The following KCNC2 variants were observed in gnomAD, a reference collection of about 807,000 sequenced individuals.
KCNC2 encodes the protein voltage-gated potassium channel KCNC2.
Under a neutral mutation model 44.5 loss-of-function variants are expected in KCNC2, and 21 were observed. The ratio of observed to expected loss-of-function variants is 0.47; its 90% CI spans 0.33 to 0.68. KCNC2 has a LOEUF of 0.68. Among genes scored for constraint, KCNC2 ranks in the 30% least tolerant of loss-of-function variants. The pLI is 0.01. For synonymous variants in KCNC2, 391 were observed against 339.1 expected (o/e 1.15, Z -1.68); for missense variants, 589 against 826.2 (o/e 0.71, Z 3.52).
chr12:75,186,473 T>C (rs1892959385), intron 2 of KCNC2, among the ~76,000 whole-genome samples: 2 of 151,704 alleles, frequency 1.3e-5, no homozygotes, highest in Non-Finnish European at 2.9e-5. Context: ...TATTCTATCA[T>C]GTGGATTGTT....
intron 2 of KCNC2, among the ~76,000 whole-genome samples, chr12:75,107,767 TAA>T (rs1433159329): frequency 6.6e-6 from 1 of 152,210 alleles, no homozygotes; most frequent in Non-Finnish European, 1.5e-5. Flanking sequence ...AATTAATTCC[TAA>T]GTCATTAATT....
chr12:75,090,221 C>A (rs973637844), intron 2 of KCNC2, among the ~76,000 whole-genome samples: 1 of 151,742 alleles, frequency 6.6e-6, no homozygotes, highest in Non-Finnish European at 1.5e-5. Flanking sequence ...TCCAAAGCTT[C>A]TGTTTTCTTG....
chr12:75,102,783 G>A (rs117180635), intron 2 of KCNC2, among the ~76,000 whole-genome samples: 258 of 152,094 alleles, frequency 1.7e-3, no homozygotes, highest in Non-Finnish European at 3.0e-3. Flanking sequence ...GGGCTTTAGA[G>A]AGTGCCACTG....
chr12:75,174,856 T>C (rs1892072653), intron 2 of KCNC2, among the ~76,000 whole-genome samples: 2 of 151,980 alleles, frequency 1.3e-5, no homozygotes, highest in South Asian at 2.1e-4. Context: ...AACGCATGTG[T>C]TTATCTGAGC....
intron 2 of KCNC2, among the ~76,000 whole-genome samples, chr12:75,127,335 G>A (rs1021493489): frequency 6.6e-6 from 1 of 152,094 alleles, no homozygotes; most frequent in African/African-American, 2.4e-5. Context: ...AGAAAAAGGA[G>A]GTTGATATTT....
At position 75,043,214 on chromosome 12, in the gene KCNC2, T is replaced by C; in HGVS notation, c.1808A>G (p.Asn603Ser). Reference protein sequence around the residue: ...KGYEKSRSLNNIAGLAGNALR... With the variant: ...KGYEKSRSLNSIAGLAGNALR... ...AGCATTGCCTGCCAAGCCCGCTATG[T>C]TGTTTAAGCTTCGGGATTTTTCATA... The change falls in exon 5 of 5, where the codon AAC becomes AGC. Residue 603 changes from asparagine to serine, a missense_variant. This residue lies in a region of KCNC2 where 171 missense variants were observed against 182.4 expected (regional missense o/e 0.94). Transcript: ENST00000549446. The C allele has an allele frequency of 6.2e-7, 1 of 1,612,344 alleles. No homozygotes were observed. The highest frequency in any genetic ancestry group is 1.1e-5 in the South Asian group (1 of 91,044).
chr12:75,136,197 G>A (rs528279333), intron 2 of KCNC2, among the ~76,000 whole-genome samples: 2 of 151,914 alleles, frequency 1.3e-5, no homozygotes, highest in African/African-American at 4.8e-5. Flanking sequence ...GGCTAAGAGG[G>A]AACATTATAG....
chr12:75,140,921 G>A (rs1486989271), intron 2 of KCNC2, among the ~76,000 whole-genome samples: 1 of 151,028 alleles, frequency 6.6e-6, no homozygotes, highest in Non-Finnish European at 1.5e-5. Context: ...AAAAAGTGGA[G>A]GAAAAAAAAA....
At chr12:75,079,033 T>C (rs1196558206) in intron 2 of KCNC2, among the ~76,000 whole-genome samples, 2 of 152,126 alleles carry the variant, frequency 1.3e-5, no homozygotes, top group African/African-American at 4.8e-5. Context: ...AAAAGCTTCA[T>C]AGTTTATTAT....
At chr12:75,097,544 C>T (rs1248369902) in intron 2 of KCNC2, among the ~76,000 whole-genome samples, 1 of 151,962 alleles carries the variant, frequency 6.6e-6, no homozygotes. Flanking sequence ...TTCAGTTTTA[C>T]TGTAAATCTA....
chr12:75,086,671 A>ATATATATATATATATATAT (rs1169816045), intron 2 of KCNC2, among the ~76,000 whole-genome samples: 10 of 89,374 alleles, frequency 1.1e-4, no homozygotes, highest in African/African-American at 4.4e-4. Flanking sequence ...AAAAAAAAAA[A>ATATATATATATATATATAT]AAAAAAAAAA....
At chr12:75,070,813 C>A (rs1044576185) in intron 2 of KCNC2, among the ~76,000 whole-genome samples, 4 of 151,824 alleles carry the variant, frequency 2.6e-5, no homozygotes, top group Non-Finnish European at 5.9e-5. Flanking sequence ...ATAAAGAGTA[C>A]AAATATTTCG....
chr12:75,180,532 G>T (rs1892506095), intron 2 of KCNC2, among the ~76,000 whole-genome samples: 2 of 151,586 alleles, frequency 1.3e-5, no homozygotes, highest in African/African-American at 4.8e-5. Context: ...GATGTATATT[G>T]ATTTTATTTG....
intron 2 of KCNC2, among the ~76,000 whole-genome samples, chr12:75,088,464 C>T (rs1250868596): frequency 1.3e-5 from 2 of 151,988 alleles, no homozygotes; most frequent in Non-Finnish European, 2.9e-5. Flanking sequence ...TTAATCAAAA[C>T]CTCTATTCTT....
In KCNC2 at chr12:75,207,387, C is replaced by T; in HGVS notation, c.597G>A (p.Gly199=). The part of the protein sequence containing the change: ...RLGIEDAAGL[G]GPDGKSGRWR... The stretch of plus-strand genomic sequence containing the variant: ...AGCGGCCAGATTTGCCGTCGGGGCC[C>T]CCGAGCCCCGCCGCGTCCTCGATGC... The change falls in exon 2 of 5, where the codon GGG becomes GGA. Residue 199 remains glycine, a synonymous_variant. Coordinates refer to ENST00000549446, the MANE Select transcript of KCNC2 (RefSeq NM_139137.4). The surrounding 1 kb of genome is among the most constrained non-coding windows in gnomAD (Gnocchi z 4.1). 6.3e-7 allele frequency: 1 copy of T among 1,584,008 alleles called. No homozygotes were observed. The highest frequency in any genetic ancestry group is 8.6e-7 in the Non-Finnish European group (1 of 1,166,152).
At chr12:75,197,947 A>G (rs2030918609) in intron 2 of KCNC2, among the ~76,000 whole-genome samples, 1 of 152,012 alleles carries the variant, frequency 6.6e-6, no homozygotes, top group African/African-American at 2.4e-5. Context: ...AAAAATTGAA[A>G]AAGAATCAGA....
intron 2 of KCNC2, among the ~76,000 whole-genome samples, chr12:75,090,726 T>G (rs557783369): frequency 2.6e-5 from 4 of 151,772 alleles, no homozygotes; most frequent in South Asian, 4.1e-4. Context: ...TCAGGAATAG[T>G]TTAGAAATTA....
intron 2 of KCNC2, among the ~76,000 whole-genome samples, chr12:75,174,169 T>A (rs1565662883): frequency 6.6e-6 from 1 of 151,632 alleles, no homozygotes; most frequent in Non-Finnish European, 1.5e-5. Flanking sequence ...TAATTTACAA[T>A]CACGGTGTAT....
intron 2 of KCNC2, among the ~76,000 whole-genome samples, chr12:75,156,958 G>A (rs148693192): frequency 7.9e-5 from 12 of 151,880 alleles, no homozygotes; most frequent in African/African-American, 2.4e-4. Flanking sequence ...TTGACTATGC[G>A]CTATAAACCA....
Sources: gnomAD v4.1 joint callset for allele counts (sites outside exome capture counted in the v4.1 genomes callset) on GRCh38, gnomAD v4.1.1 for gene constraint, gnomAD v4.1.1 regional missense constraint, Gnocchi (gnomAD v3.1) non-coding constraint, MANE v1.5 for transcripts, NCBI Gene and HGNC (gene_info 2026-07-23, HGNC 2026-07-21) for gene names.